The following KLHDC4 variants were observed in gnomAD, a reference collection of about 807,000 sequenced individuals.
KLHDC4 encodes the protein kelch domain-containing protein 4.
A neutral mutation model predicts 62.4 loss-of-function variants in KLHDC4; 90 were observed. That is an observed-to-expected ratio of 1.44 (90% CI 1.22 to 1.72). The LOEUF is 1.72. Ranked by LOEUF, KLHDC4 falls within the 40% of genes most tolerant of loss-of-function variation. KLHDC4 has a pLI of 0.00. For synonymous variants in KLHDC4, 386 were observed against 284.4 expected, an observed-to-expected ratio of 1.36 and a Z score of -3.59; for missense variants, 1,025 against 699.7, an observed-to-expected ratio of 1.47 and a Z score of -5.25.
chr16:87,762,102 C>T, intron 1 of KLHDC4, 62 bp from the exon 2 acceptor site: 1 of 1,597,898 alleles, frequency 6.3e-7, no homozygotes, highest in South Asian at 1.1e-5. Flanking sequence ...GAGCCACAGC[C>T]CGCTCAGCTT....
At chr16:87,711,209 C>G in intron 9 of KLHDC4, 26 bp downstream of exon 9, 2 of 1,611,974 alleles carry the variant, frequency 1.2e-6, no homozygotes, top group Non-Finnish European at 1.7e-6. Flanking sequence ...CGCACCACGG[C>G]GCATGCTACT....
intron 5 of KLHDC4, among the ~76,000 whole-genome samples, chr16:87,748,264 C>A (rs1162421686): frequency 6.6e-6 from 1 of 152,346 alleles, no homozygotes; most frequent in Middle Eastern, 3.4e-3. Flanking sequence ...ACCAGCTCCA[C>A]GGTTTCTACA....
chr16:87,701,873 C>G (rs549162697), exon 1 of KLHDC4: 11 of 456,600 alleles, frequency 2.4e-5, no homozygotes, highest in East Asian at 6.9e-5. Context: ...GAAGCCTCTT[C>G]GAGCCCAGGG....
At chr16:87,730,514 C>T in intron 6 of KLHDC4, 38 bp downstream of exon 6, 3 of 1,512,992 alleles carry the variant, frequency 2.0e-6, no homozygotes, top group Non-Finnish European at 2.7e-6. Flanking sequence ...CTCCTTAATG[C>T]TTCAGGAGAG....
chr16:87,707,939 C>T lies in KLHDC4; in HGVS notation c.*138G>A, dbSNP rs1244799968. On this transcript the variant is annotated 3_prime_UTR_variant, in exon 12 of 12. Coordinates refer to ENST00000270583, the MANE Select transcript of KLHDC4 (RefSeq NM_017566.4). ...CTAAACCATGGGAGAAAGTTCACAC[C>T]CTGGCCTGGGCCACCCACCTTCAGC... 1 of 465,298 alleles carries T rather than the reference C, an allele frequency of 2.1e-6. No homozygotes were observed. 28.8% of individuals were successfully genotyped at this position (465,298 alleles called of 1,614,324 possible). A position where few individuals can be genotyped will look rare whatever the true frequency, so the allele number is the denominator to read the frequency against.
intron 4 of KLHDC4, among the ~76,000 whole-genome samples, chr16:87,754,668 C>T (rs1171745669): frequency 6.6e-6 from 1 of 152,182 alleles, no homozygotes; most frequent in Non-Finnish European, 1.5e-5. Flanking sequence ...GAGTTCCCAT[C>T]CTCACAGAGC....
At chr16:87,736,029 T>G (rs1401258537) in intron 5 of KLHDC4, among the ~76,000 whole-genome samples, 2 of 152,238 alleles carry the variant, frequency 1.3e-5, no homozygotes, top group East Asian at 3.8e-4. Context: ...GTCTACACCT[T>G]ACAAAATTAT....
intron 7 of KLHDC4, among the ~76,000 whole-genome samples, chr16:87,724,265 C>G (rs996220132): frequency 6.6e-6 from 1 of 152,194 alleles, no homozygotes; most frequent in African/African-American, 2.4e-5. Context: ...ACTGTGAAAC[C>G]ATATCATTTT....
At position 87,752,494 on chromosome 16, in the gene KLHDC4, G is replaced by C. The variant is rs369317044; in HGVS notation, c.369+2700C>G. On this transcript the variant is annotated intron_variant, in intron 4 of 11. Transcript: ENST00000270583. ...TGGGATTACAGGCACGCGCCACGACGCCCAGGTAATTTTTGTAGTTTTAGT... is the reference window on the plus strand; with the variant it reads ...TGGGATTACAGGCACGCGCCACGACCCCCAGGTAATTTTTGTAGTTTTAGT... 3.3e-5 allele frequency among the ~76,000 whole-genome samples: 5 copies of C among 151,988 alleles called. No homozygotes were observed. In the East Asian group the frequency reaches 7.9e-4, roughly 24 times the overall value.
chr16:87,755,484 G>T (rs1022564160), intron 3 of KLHDC4, 192 bp from the exon 4 acceptor site: 60 of 460,138 alleles, frequency 1.3e-4, no homozygotes, highest in African/African-American at 1.1e-3. Flanking sequence ...ACGACCGAAC[G>T]CCCACCAGGC....
rs1034292078 is a variant in KLHDC4, at chr16:87,707,888, CT to C, written c.*188del. ...TCCACCTGCACTGCACTCAGTTGAA[CT>C]TCCGGCCCAGTGCCGCGTCAGAGAC... On this transcript the variant is annotated 3_prime_UTR_variant, in exon 12 of 12. Coordinates refer to ENST00000270583, the MANE Select transcript of KLHDC4 (RefSeq NM_017566.4). 4 of 451,746 alleles carry C rather than the reference CT, an allele frequency of 8.9e-6. No homozygotes were observed. Among genetic ancestry groups the C allele is most frequent in the African/African-American group, 8.0e-5 (4 of 50,046 alleles). The allele number at this position is 451,746 out of a possible 1,614,324, so 28.0% of individuals were successfully genotyped here.
chr16:87,727,516 G>A (rs549958213), intron 6 of KLHDC4, among the ~76,000 whole-genome samples: 3 of 152,148 alleles, frequency 2.0e-5, no homozygotes, highest in Admixed American at 6.5e-5. Context: ...CACAGAAGCC[G>A]ACCCTCTGTG....
chr16:87,717,917 A>C (rs955888908), intron 7 of KLHDC4, among the ~76,000 whole-genome samples: 1 of 152,176 alleles, frequency 6.6e-6, no homozygotes, highest in Non-Finnish European at 1.5e-5. Flanking sequence ...GGAATGTTTT[A>C]TGCTACAATA....
At chr16:87,731,319 G>A (rs2040332123) in intron 5 of KLHDC4, among the ~76,000 whole-genome samples, 1 of 151,784 alleles carries the variant, frequency 6.6e-6, no homozygotes, top group Admixed American at 6.6e-5. Context: ...TGATCTGCCT[G>A]ACTCAGACTC....
At chr16:87,710,606 CTAAAG>C (rs995652722) in intron 9 of KLHDC4, 6 of 152,136 alleles carry the variant, frequency 3.9e-5, no homozygotes, top group African/African-American at 1.5e-4. Flanking sequence ...GCAATTCCTT[CTAAAG>C]TAAAAGAGCG....
At chr16:87,733,421 G>A (rs1290317120) in intron 5 of KLHDC4, among the ~76,000 whole-genome samples, 1 of 152,214 alleles carries the variant, frequency 6.6e-6, no homozygotes, top group Non-Finnish European at 1.5e-5. Context: ...AGAGGAGGCG[G>A]GGCACACAGG....
intron 6 of KLHDC4, among the ~76,000 whole-genome samples, chr16:87,729,613 C>A (rs1259157404): frequency 6.6e-6 from 1 of 152,236 alleles, no homozygotes; most frequent in African/African-American, 2.4e-5. Flanking sequence ...AGATAACAGG[C>A]CTAAAACAAT....
At chr16:87,714,370 GCA>G in intron 8 of KLHDC4, 126 bp downstream of exon 8, 12 of 972,090 alleles carry the variant, frequency 1.2e-5, no homozygotes, top group East Asian at 1.5e-4. Context: ...AGCCATCTCG[GCA>G]GGCCCTCCGC....
intron 8 of KLHDC4, 86 bp downstream of exon 8, chr16:87,714,412 G>A (rs2036519655): frequency 1.6e-6 from 2 of 1,271,358 alleles, no homozygotes; most frequent in African/African-American, 3.3e-5. Context: ...CTCACCGCCA[G>A]CCCCACATCC....
Sources: gnomAD v4.1 joint callset for allele counts (sites outside exome capture counted in the v4.1 genomes callset) on GRCh38, gnomAD v4.1.1 for gene constraint, MANE v1.5 for transcripts, NCBI Gene and HGNC (gene_info 2026-07-23, HGNC 2026-07-21) for gene names.